ACTL6A: variants seen among roughly 807,000 people sequenced by gnomAD.
ACTL6A encodes actin-like protein 6A.
ACTL6A carries 5 observed loss-of-function variants against 59.2 expected under a neutral mutation model. The ratio of observed to expected loss-of-function variants is 0.08; its 90% confidence interval spans 0.04 to 0.18. The LOEUF is 0.18. ACTL6A is among the 10% of genes least tolerant of loss of function. ACTL6A has a pLI of 1.00. For missense variants in ACTL6A, 285 were observed against 526.9 expected (o/e 0.54, Z 4.49); for synonymous variants, 154 against 171.8 (o/e 0.90, Z 0.81).
chr3:179,571,117 G>A (rs763818940), intron 3 of ACTL6A, among the ~76,000 whole-genome samples: 2 of 152,070 alleles, frequency 1.3e-5, no homozygotes, highest in African/African-American at 2.4e-5. Flanking sequence ...AAGTGTTACG[G>A]TTTTAAAAGG....
rs774933024 is a variant in ACTL6A, at chr3:179,583,427, G to A, written c.1101G>A (p.Glu367=). The change falls in exon 12 of 14, where the codon GAG becomes GAA. Residue 367 remains glutamate, a synonymous_variant. Coordinates refer to ENST00000429709, the MANE Select transcript of ACTL6A (RefSeq NM_004301.5). ...IQSFTDRLNR[E]LSQKTPPSMR... ...GTTTTACTGACAGGTTGAATAGAGA[G>A]CTGTCTCAGAAAACTCCTCCAGTAA... is the stretch of plus-strand genomic sequence containing the variant. The A allele has an allele frequency of 2.5e-6, 4 of 1,613,092 alleles. No homozygotes were observed. The East Asian group carries it at 8.9e-5, about 36-fold the overall frequency.
At chr3:179,564,197 G>C (rs1290696105) in intron 1 of ACTL6A, among the ~76,000 whole-genome samples, 1 of 152,114 alleles carries the variant, frequency 6.6e-6, no homozygotes, top group Non-Finnish European at 1.5e-5. Context: ...TTCATGTGTT[G>C]GGTTGTGTTT....
At chr3:179,579,317 GTTGT>G (rs1718261586) in intron 8 of ACTL6A, among the ~76,000 whole-genome samples, 1 of 152,046 alleles carries the variant, frequency 6.6e-6, no homozygotes, top group South Asian at 2.1e-4. Context: ...TATTCTGTAG[GTTGT>G]TTGCTTACTC....
chr3:179,584,018 A>G (rs1226829546), intron 12 of ACTL6A, among the ~76,000 whole-genome samples: 1 of 152,236 alleles, frequency 6.6e-6, no homozygotes, highest in Non-Finnish European at 1.5e-5. Flanking sequence ...CAATATGGCT[A>G]GAAAGATGGA....
At chr3:179,567,687 A>G (rs1203227809) in intron 1 of ACTL6A, among the ~76,000 whole-genome samples, 1 of 151,850 alleles carries the variant, frequency 6.6e-6, no homozygotes, top group African/African-American at 2.4e-5. Context: ...TGCTATACTT[A>G]CGATTTGTAC....
At chr3:179,578,785 A>G (rs1718246217) in intron 8 of ACTL6A, among the ~76,000 whole-genome samples, 1 of 152,204 alleles carries the variant, frequency 6.6e-6, no homozygotes, top group South Asian at 2.1e-4. Flanking sequence ...AATTTTTTCA[A>G]GACAGAGTCT....
chr3:179,576,551 C>T (rs2108363051), intron 6 of ACTL6A, 69 bp from the exon 7 acceptor site: 1 of 1,201,414 alleles, frequency 8.3e-7, no homozygotes, highest in Non-Finnish European at 1.2e-6. Flanking sequence ...TAAATACACC[C>T]ACAGAGGAAA....
intron 8 of ACTL6A, among the ~76,000 whole-genome samples, chr3:179,577,141 G>A (rs923389216): frequency 2.6e-5 from 4 of 152,026 alleles, no homozygotes; most frequent in Non-Finnish European, 5.9e-5. Flanking sequence ...GCTTTTCTGT[G>A]AGAGGCATGC....
chr3:179,575,903 G>A (rs748943242), intron 5 of ACTL6A, among the ~76,000 whole-genome samples: 33 of 152,138 alleles, frequency 2.2e-4, no homozygotes, highest in Non-Finnish European at 1.5e-4. Context: ...TTTGTTGTAA[G>A]CTCTTTGATC....
chr3:179,576,117 T>C lies in ACTL6A; in HGVS notation c.477-100T>C, dbSNP rs2108362653. The C allele has an allele frequency of 6.1e-6, 5 of 821,672 alleles. No homozygotes were observed. The South Asian group carries it at 7.5e-5, about 12-fold the overall frequency. 50.9% of individuals were successfully genotyped at this position (821,672 alleles called of 1,614,324 possible). A position where few individuals can be genotyped will look rare whatever the true frequency, so the allele number is the denominator to read the frequency against. Reference sequence around the variant, plus strand: ...TACATTTTTAACTATAAGGTACATGTTTAAGAAATAGTTTCTGAAACATTA... The same window carrying C: ...TACATTTTTAACTATAAGGTACATGCTTAAGAAATAGTTTCTGAAACATTA... On this transcript the variant is annotated intron_variant, in intron 5 of 13. Coordinates refer to ENST00000429709, the MANE Select transcript of ACTL6A (RefSeq NM_004301.5).
intron 1 of ACTL6A, among the ~76,000 whole-genome samples, chr3:179,563,428 C>T (rs1717731678): frequency 6.6e-6 from 1 of 152,216 alleles, no homozygotes; most frequent in Non-Finnish European, 1.5e-5. Flanking sequence ...CTCAGTCTAG[C>T]CGGCCGCCGG....
chr3:179,573,290 C>A, intron 3 of ACTL6A, 79 bp from the exon 4 acceptor site: 5 of 932,776 alleles, frequency 5.4e-6, no homozygotes, highest in South Asian at 5.3e-5. Context: ...ATTGTTAAGT[C>A]ATAGAAACAA....
chr3:179,584,951 A>G (rs1411999176), intron 12 of ACTL6A, among the ~76,000 whole-genome samples: 1 of 152,236 alleles, frequency 6.6e-6, no homozygotes, highest in Non-Finnish European at 1.5e-5. Context: ...ATAATGTTTT[A>G]CGTGTGCCAC....
intron 1 of ACTL6A, 86 bp downstream of exon 1, chr3:179,563,203 G>T (rs1469617393): frequency 6.6e-7 from 1 of 1,518,540 alleles, no homozygotes; most frequent in Non-Finnish European, 8.8e-7. Context: ...CCTCCCCGGC[G>T]TTCCCTTCCG....
At chr3:179,587,867 T>TTC in intron 13 of ACTL6A, 63 bp from the exon 14 acceptor site, 1 of 1,449,246 alleles carries the variant, frequency 6.9e-7, no homozygotes, top group Non-Finnish European at 9.3e-7. Flanking sequence ...AAAAAAAAAA[T>TTC]TTTTTAAGCC....
chr3:179,563,870 A>G (rs886922597), intron 1 of ACTL6A, among the ~76,000 whole-genome samples: 8 of 152,178 alleles, frequency 5.3e-5, no homozygotes, highest in African/African-American at 1.9e-4. Flanking sequence ...GAAGATTACC[A>G]GGTGCCGGGG....
At chr3:179,573,967 C>T (rs1400263417) in intron 4 of ACTL6A, among the ~76,000 whole-genome samples, 1 of 152,150 alleles carries the variant, frequency 6.6e-6, no homozygotes, top group African/African-American at 2.4e-5. Flanking sequence ...CTTATTGTTA[C>T]TAACTTACAG....
At chr3:179,586,730 AT>A in intron 13 of ACTL6A, 98 bp downstream of exon 13, 1 of 997,860 alleles carries the variant, frequency 1.0e-6, no homozygotes, top group Non-Finnish European at 1.5e-6. Flanking sequence ...TTGTCTGTGC[AT>A]TTTATAACTG....
At position 179,580,881 on chromosome 3, in the gene ACTL6A, AAT is replaced by A. The variant is rs768921230; in HGVS notation, c.831-10_831-9del. On this transcript the variant is annotated splice_polypyrimidine_tract_variant and intron_variant, in intron 9 of 13. Coordinates refer to ENST00000429709, the MANE Select transcript of ACTL6A (RefSeq NM_004301.5). ...TTTTGTCTTTTGTGTAATACGGTTT[AAT>A]ATGTTTTCAGAGTGGCTGCACAGAT... The A allele has an allele frequency of 1.9e-6, 3 of 1,575,386 alleles. No homozygotes were observed. The highest frequency in any genetic ancestry group is 1.2e-5 in the South Asian group (1 of 84,218).
Sources: gnomAD v4.1 joint callset for allele counts (sites outside exome capture counted in the v4.1 genomes callset) on GRCh38, gnomAD v4.1.1 for gene constraint, MANE v1.5 for transcripts, NCBI Gene and HGNC (gene_info 2026-07-23, HGNC 2026-07-21) for gene names.